Variants in AFG2A observed in about 807,000 individuals in gnomAD.
AFG2A encodes the protein ATPase family gene 2 protein homolog A.
the AFG2A span, among the ~76,000 whole-genome samples, chr4:123,063,808 A>G: frequency 3.9e-5 from 6 of 152,114 alleles, no homozygotes; most frequent in African/African-American, 1.2e-4. Context: ...ATGTTTCACA[A>G]TTGAGCAAAG....
chr4:123,255,922 T>C, the AFG2A span: 4 of 1,422,630 alleles, frequency 2.8e-6, no homozygotes, highest in Non-Finnish European at 3.9e-6. Flanking sequence ...TAGTGGATTG[T>C]TCGTGAAATT....
chr4:123,154,257 G>C, the AFG2A span, among the ~76,000 whole-genome samples: 1 of 151,658 alleles, frequency 6.6e-6, no homozygotes, highest in African/African-American at 2.4e-5. Flanking sequence ...TTTATTTAAA[G>C]ATACTTTACT....
chr4:123,125,083 A>G, the AFG2A span, among the ~76,000 whole-genome samples: 4 of 152,122 alleles, frequency 2.6e-5, no homozygotes. Context: ...TGGAAAGTCT[A>G]TACTTGTATG....
the AFG2A span, among the ~76,000 whole-genome samples, chr4:123,121,884 T>G: frequency 5.3e-5 from 8 of 152,212 alleles, no homozygotes; most frequent in Admixed American, 1.3e-4. Context: ...CTTTTCCTTT[T>G]AACTTATAAA....
chr4:122,939,325 G>A, the AFG2A span, among the ~76,000 whole-genome samples: 22 of 151,500 alleles, frequency 1.5e-4, no homozygotes, highest in African/African-American at 3.9e-4. Context: ...CAGGTGATCC[G>A]CCCGCCTCGG....
At chr4:123,203,666 G>A in the AFG2A span, among the ~76,000 whole-genome samples, 1 of 152,224 alleles carries the variant, frequency 6.6e-6, no homozygotes, top group South Asian at 2.1e-4. Context: ...CATTTAGGTT[G>A]TTTCCAGTTT....
chr4:123,169,724 G>A, the AFG2A span, among the ~76,000 whole-genome samples: 16 of 152,064 alleles, frequency 1.1e-4, no homozygotes, highest in South Asian at 2.1e-4. Flanking sequence ...CAAATGATCC[G>A]TCCGCCTCTG....
chr4:123,306,562 T>C, the AFG2A span, among the ~76,000 whole-genome samples: 1 of 151,586 alleles, frequency 6.6e-6, no homozygotes, highest in African/African-American at 2.4e-5. Flanking sequence ...TTTTTTTTCT[T>C]TTTTTTTTCT....
chr4:122,934,465 A>G, the AFG2A span: 2 of 1,614,242 alleles, frequency 1.2e-6, no homozygotes, highest in African/African-American at 2.7e-5. Context: ...TCTTAAATGT[A>G]ATTTTGAATC....
the AFG2A span, among the ~76,000 whole-genome samples, chr4:122,952,851 A>G: frequency 1.3e-5 from 2 of 152,110 alleles, no homozygotes; most frequent in Non-Finnish European, 2.9e-5. Context: ...TCAGTAACAG[A>G]GTGGTAGTGG....
the AFG2A span, among the ~76,000 whole-genome samples, chr4:123,124,274 G>A: frequency 1.1e-3 from 164 of 152,298 alleles, 1 homozygote; most frequent in Non-Finnish European, 1.5e-4. Flanking sequence ...TTAAGAAAAT[G>A]TGGCACATAT....
chr4:123,261,586 T>A, the AFG2A span, among the ~76,000 whole-genome samples: 1 of 152,176 alleles, frequency 6.6e-6, no homozygotes, highest in African/African-American at 2.4e-5. Flanking sequence ...CCTTGGATTT[T>A]GGTATCTAAG....
the AFG2A span, among the ~76,000 whole-genome samples, chr4:122,924,566 G>T: frequency 6.6e-6 from 1 of 151,998 alleles, no homozygotes; most frequent in Non-Finnish European, 1.5e-5. Flanking sequence ...TTGCAGGCTC[G>T]TCCTCTTCCC....
At chr4:123,174,422 A>G in the AFG2A span, among the ~76,000 whole-genome samples, 3 of 152,154 alleles carry the variant, frequency 2.0e-5, no homozygotes, top group Non-Finnish European at 4.4e-5. Context: ...AATTAAAATT[A>G]TAATAAGACT....
chr4:123,003,908 A>G, the AFG2A span, among the ~76,000 whole-genome samples: 18 of 152,216 alleles, frequency 1.2e-4, no homozygotes, highest in Non-Finnish European at 2.2e-4. Flanking sequence ...CCTGCCCCCA[A>G]AGGTGGAGCC....
the AFG2A span, among the ~76,000 whole-genome samples, chr4:122,958,154 A>G: frequency 9.9e-5 from 15 of 152,196 alleles, no homozygotes; most frequent in Admixed American, 1.3e-4. Flanking sequence ...ATAAGTAGCA[A>G]TGAGCAAGTT....
the AFG2A span, among the ~76,000 whole-genome samples, chr4:123,047,651 C>T: frequency 3.3e-5 from 5 of 151,262 alleles, no homozygotes; most frequent in African/African-American, 4.8e-5. Context: ...TCAGTGATTT[C>T]CCCAAGTTTT....
the AFG2A span, among the ~76,000 whole-genome samples, chr4:123,058,824 C>T: frequency 6.6e-6 from 1 of 152,166 alleles, no homozygotes; most frequent in Admixed American, 6.5e-5. Flanking sequence ...GCCCCGGCCC[C>T]TCCAAATCTC....
the AFG2A span, among the ~76,000 whole-genome samples, chr4:123,218,954 G>A: frequency 6.6e-6 from 1 of 152,188 alleles, no homozygotes; most frequent in Admixed American, 6.5e-5. Context: ...GTTTTCTAGA[G>A]AGACAGATCC....
Sources: gnomAD v4.1 joint callset for allele counts (sites outside exome capture counted in the v4.1 genomes callset) on GRCh38, gnomAD v4.1.1 for gene constraint, MANE v1.5 for transcripts, NCBI Gene and HGNC (gene_info 2026-07-23, HGNC 2026-07-21) for gene names.